CDH13: variants seen among roughly 807,000 people sequenced by gnomAD.
CDH13 encodes cadherin 13, also known as cadherin-13.
CDH13 carries 24 observed loss-of-function variants against 63.8 expected under a neutral mutation model. The ratio of observed to expected loss-of-function variants is 0.38; its 90% CI spans 0.27 to 0.53. The LOEUF (loss-of-function observed/expected upper bound fraction) is 0.53. Ranked by LOEUF, CDH13 falls within the 20% of genes least tolerant of loss-of-function variation. The pLI, the probability that CDH13 is intolerant of heterozygous loss-of-function variation, is 0.85. For synonymous variants in CDH13, 503 were observed against 355.3 expected, an observed-to-expected ratio of 1.42 and a Z score of -4.67; for missense variants, 1,049 against 903.1, an observed-to-expected ratio of 1.16 and a Z score of -2.07.
At chr16:83,548,407 T>C (rs981569324) in intron 7 of CDH13, among the ~76,000 whole-genome samples, 2 of 152,104 alleles carry the variant, frequency 1.3e-5, no homozygotes, top group African/African-American at 2.4e-5. Flanking sequence ...TATCCTACAA[T>C]GCAAAGGGCA....
chr16:82,772,415 A>T (rs1206871725), intron 1 of CDH13, among the ~76,000 whole-genome samples: 1 of 152,186 alleles, frequency 6.6e-6, no homozygotes, highest in Non-Finnish European at 1.5e-5. Flanking sequence ...GCAATATGGT[A>T]GGAAACCTGC....
intron 7 of CDH13, among the ~76,000 whole-genome samples, chr16:83,525,553 C>T (rs575424800): frequency 6.6e-6 from 1 of 152,246 alleles, no homozygotes; most frequent in Non-Finnish European, 1.5e-5. Context: ...GATTTAAGCT[C>T]AGTTCCTTCC....
chr16:83,115,894 A>C (rs951023934), intron 3 of CDH13, among the ~76,000 whole-genome samples: 3 of 152,202 alleles, frequency 2.0e-5, no homozygotes, highest in Non-Finnish European at 2.9e-5. Context: ...AATGAGGACA[A>C]ATTATCTGGA....
intron 3 of CDH13, among the ~76,000 whole-genome samples, chr16:83,118,509 C>A (rs1382869380): frequency 1.3e-5 from 2 of 152,210 alleles, no homozygotes; most frequent in Non-Finnish European, 2.9e-5. Context: ...TGCGTGTCTA[C>A]ATGTGTCTGT....
In CDH13 at chr16:83,137,386, C is replaced by T. The variant is rs1477597993; in HGVS notation, c.483+11885C>T. On this transcript the variant is annotated intron_variant, in intron 4 of 13. Transcript: ENST00000567109. ...AAATGAGGAAGGGAGTGATAAAATT[C>T]TCTGTGAAGTGAGGAGAAATGAGGT... is the stretch of plus-strand genomic sequence containing the variant. Among the ~76,000 whole-genome samples, 2 of 152,174 alleles carry T rather than the reference C, an allele frequency of 1.3e-5. 1 individual carries two copies. The highest frequency in any genetic ancestry group is 3.9e-4 in the East Asian group (2 of 5,182).
At chr16:83,501,058 A>G (rs957111292) in intron 7 of CDH13, among the ~76,000 whole-genome samples, 2 of 152,208 alleles carry the variant, frequency 1.3e-5, no homozygotes, top group African/African-American at 4.8e-5. Flanking sequence ...AAGCATTCTT[A>G]TTTCTTTAAG....
chr16:83,494,293 C>G (rs2074085592), intron 7 of CDH13, among the ~76,000 whole-genome samples: 1 of 151,842 alleles, frequency 6.6e-6, no homozygotes, highest in Non-Finnish European at 1.5e-5. Flanking sequence ...GGAAAAAGTT[C>G]TTTTCGAGAG....
intron 3 of CDH13, among the ~76,000 whole-genome samples, chr16:83,118,080 C>A (rs1490469543): frequency 6.6e-6 from 1 of 152,182 alleles, no homozygotes; most frequent in Non-Finnish European, 1.5e-5. Context: ...GTGATGGAAG[C>A]AAGGCTGGAT....
At chr16:83,128,930 C>T (rs2035929362) in intron 4 of CDH13, among the ~76,000 whole-genome samples, 1 of 152,208 alleles carries the variant, frequency 6.6e-6, no homozygotes, top group South Asian at 2.1e-4. Context: ...GCGCAAGAGC[C>T]TTCAAAACCT....
intron 3 of CDH13, among the ~76,000 whole-genome samples, chr16:83,098,097 C>A (rs901728503): frequency 2.6e-5 from 4 of 152,142 alleles, no homozygotes; most frequent in African/African-American, 7.2e-5. Flanking sequence ...AAGGGTCTGG[C>A]TTATAACAAA....
At chr16:83,281,036 A>C (rs559464537) in intron 5 of CDH13, among the ~76,000 whole-genome samples, 22 of 152,272 alleles carry the variant, frequency 1.4e-4, no homozygotes, top group African/African-American at 5.3e-4. Flanking sequence ...TTACCCCCTA[A>C]CCAGAGAGTC....
rs141595678 is a variant in CDH13 at position 82,747,894 on chromosome 16, A to G, written c.46-110468A>G. Among the ~76,000 whole-genome samples, 324 of 152,356 alleles carry G rather than the reference A, an allele frequency of 2.1e-3. 1 individual carries two copies. Among genetic ancestry groups the G allele is most frequent in the African/African-American group, 7.2e-3 (301 of 41,590 alleles). On this transcript the variant is annotated intron_variant, in intron 1 of 13. Transcript: ENST00000567109. ...CAAAAGGCTAAAATTAACAATAGAA[A>G]GGCATTTGTTTACATCCAGGCAACC... is the stretch of plus-strand genomic sequence containing the variant.
At chr16:82,727,756 G>A (rs184704286) in intron 1 of CDH13, 133 of 152,276 alleles carry the variant, frequency 8.7e-4, no homozygotes, top group African/African-American at 3.1e-3. Flanking sequence ...TATGTGATCA[G>A]TTTCCAAAGT....
chr16:83,261,183 C>T lies in CDH13; in HGVS notation c.636+43686C>T, dbSNP rs572297538. Among the ~76,000 whole-genome samples, 15 of 152,078 alleles carry T rather than the reference C, an allele frequency of 9.9e-5. No homozygotes were observed. In the East Asian group the frequency reaches 1.7e-3, roughly 18 times the overall value. On this transcript the variant is annotated intron_variant, in intron 5 of 13. Coordinates refer to ENST00000567109, the MANE Select transcript of CDH13 (RefSeq NM_001257.5). ...ACGGTTCAGTTTCCATGCAAGGGGG[C>T]GTGCATGCGGAGTGGGCAGATACAG...
chr16:83,395,562 C>G (rs113662971), intron 6 of CDH13, among the ~76,000 whole-genome samples: 1 of 152,078 alleles, frequency 6.6e-6, no homozygotes, highest in African/African-American at 2.4e-5. Context: ...AGAGGCTCTC[C>G]CCAACCCTCC....
At chr16:83,721,271 T>C (rs949849872) in intron 10 of CDH13, 1 of 152,180 alleles carries the variant, frequency 6.6e-6, no homozygotes, top group Non-Finnish European at 1.5e-5. Context: ...ACTCAGTGGA[T>C]TGGAGAATTG....
At chr16:83,603,585 C>A (rs1284286255) in intron 8 of CDH13, among the ~76,000 whole-genome samples, 1 of 152,104 alleles carries the variant, frequency 6.6e-6, no homozygotes, top group Non-Finnish European at 1.5e-5. Flanking sequence ...CCTCATCTGC[C>A]ATCAATGCTT....
chr16:83,035,624 C>T (rs568759718), intron 3 of CDH13, among the ~76,000 whole-genome samples: 40 of 152,266 alleles, frequency 2.6e-4, no homozygotes, highest in African/African-American at 9.6e-4. Context: ...GCCCCTGAGT[C>T]CGTGCCTCCA....
At chr16:82,653,055 C>A (rs1183596506) in intron 1 of CDH13, among the ~76,000 whole-genome samples, 1 of 152,168 alleles carries the variant, frequency 6.6e-6, no homozygotes, top group East Asian at 1.9e-4. Context: ...GGTAAACAGA[C>A]AAGGCAGTCA....
Sources: gnomAD v4.1 joint callset for allele counts (sites outside exome capture counted in the v4.1 genomes callset) on GRCh38, gnomAD v4.1.1 for gene constraint, MANE v1.5 for transcripts, NCBI Gene and HGNC (gene_info 2026-07-23, HGNC 2026-07-21) for gene names.